CEP162: variants seen among roughly 807,000 people sequenced by gnomAD.
CEP162 encodes the protein centrosomal protein 162.
A neutral mutation model predicts 169.2 loss-of-function variants in CEP162; 141 were observed. The ratio of observed to expected loss-of-function variants is 0.83; its 90% CI spans 0.73 to 0.96. The LOEUF is 0.96. Among genes scored for constraint, CEP162 ranks in the 40% least tolerant of loss-of-function variants. The pLI is 0.00. For missense variants in CEP162, 1,600 were observed against 1,587.2 expected (o/e 1.01, Z -0.14); for synonymous variants, 540 against 526.4 (o/e 1.03, Z -0.35).
rs764021540 is a variant in CEP162, at chr6:84,195,013, C to T, written c.898G>A (p.Ala300Thr). The T allele has an allele frequency of 1.2e-5, 20 of 1,611,858 alleles. 1 individual carries two copies. In the South Asian group the frequency reaches 2.2e-4, roughly 18 times the overall value. Residue 300 changes from alanine (A) to threonine (T), a missense_variant, in exon 10 of 27, where the codon GCC (alanine) becomes ACC (threonine). Physicochemically the swap from Ala to Thr is moderately conservative, Grantham distance 58 (BLOSUM62 0). Transcript: ENST00000403245. ...TTGTCTTCATCTCCCAATGAATGGG[C>T]TATATGACAATAAGCTTGATGTAGG... ...EALHQAYCHI[A>T]HSLGDEDKQK... is the part of the protein sequence containing the mutation.
intron 9 of CEP162, among the ~76,000 whole-genome samples, chr6:84,199,737 A>G (rs765689827): frequency 9.1e-4 from 139 of 152,302 alleles, no homozygotes; most frequent in Middle Eastern, 3.4e-3. Context: ...ATGTGATAAA[A>G]TAAGAATATT....
At chr6:84,126,619 C>T (rs1254636363) in intron 25 of CEP162, 107 bp from the exon 26 acceptor site, 3 of 730,228 alleles carry the variant, frequency 4.1e-6, no homozygotes, top group African/African-American at 1.8e-5. Flanking sequence ...AAGTAAGAGG[C>T]ACCTTGGATT....
intron 6 of CEP162, among the ~76,000 whole-genome samples, chr6:84,208,335 A>T (rs575699371): frequency 6.6e-6 from 1 of 152,352 alleles, no homozygotes; most frequent in African/African-American, 2.4e-5. Flanking sequence ...TAGCTATAAA[A>T]GGGGAACACC....
At chr6:84,153,923 G>A (rs1271481744) in intron 22 of CEP162, among the ~76,000 whole-genome samples, 4 of 152,116 alleles carry the variant, frequency 2.6e-5, no homozygotes, top group Non-Finnish European at 5.9e-5. Flanking sequence ...AGGCGACGCT[G>A]CCCTAAGTGT....
intron 13 of CEP162, 57 bp from the exon 14 acceptor site, chr6:84,175,404 C>A: frequency 8.2e-7 from 1 of 1,225,368 alleles, no homozygotes; most frequent in Non-Finnish European, 1.1e-6. Context: ...AATGTATACT[C>A]ATCAATTGTG....
chr6:84,168,475 T>C (rs1031101866), intron 18 of CEP162, among the ~76,000 whole-genome samples: 2 of 152,184 alleles, frequency 1.3e-5, no homozygotes, highest in African/African-American at 4.8e-5. Context: ...CTGGAATTTT[T>C]CTAATTTACA....
Position 84,204,055 on chromosome 6 carries a change from G to A in CEP162, c.613C>T (p.Pro205Ser). ...ATCTCTTCATCTTTAGTAGTCAACG[G>A]TGCACCAACATACTCATCTTCAAAA... Reference protein sequence around the residue: ...DDFEDEYVGAPLTTKDEEMPS... With the variant: ...DDFEDEYVGASLTTKDEEMPS... The change falls in exon 7 of 27, where the codon CCG (proline) becomes TCG (serine). Residue 205 changes from proline (P) to serine (S), a missense_variant. Physicochemically the swap from Pro to Ser is moderately conservative, Grantham distance 74. Coordinates refer to ENST00000403245, the MANE Select transcript of CEP162 (RefSeq NM_014895.4). 2 of 1,608,682 alleles carry A rather than the reference G, an allele frequency of 1.2e-6. No homozygotes were observed. Among genetic ancestry groups the A allele is most frequent in the Non-Finnish European group, 1.7e-6 (2 of 1,177,548 alleles).
At chr6:84,195,193 A>G in intron 9 of CEP162, 118 bp from the exon 10 acceptor site, 1 of 850,402 alleles carries the variant, frequency 1.2e-6, no homozygotes, top group Non-Finnish European at 1.8e-6. Context: ...AGTACTAACT[A>G]GGTAATTTGC....
chr6:84,201,737 C>A lies in CEP162; in HGVS notation c.718G>T (p.Val240Phe). 7.6e-7 allele frequency: 1 copy of A among 1,321,918 alleles called. No individual in the cohort carries two copies. The allele number at this position is 1,321,918 out of a possible 1,614,324, so 81.9% of individuals were successfully genotyped here. A position where few individuals can be genotyped will look rare whatever the true frequency, so the allele number is the denominator to read the frequency against. ...AAACATGAATATAAATAATATTTAC[C>A]ATTAGCAAGCATGCCAGTTTTTTCT... ...EEEKTGMLAN[V>F]VLLDSLDSVA... The change falls in exon 8 of 27, where the codon GTT becomes TTT. Residue 240 changes from valine to phenylalanine, a missense_variant and splice_region_variant. By Grantham distance (50) the Val-to-Phe change is conservative. Coordinates refer to ENST00000403245, the MANE Select transcript of CEP162 (RefSeq NM_014895.4).
At position 84,195,056 on chromosome 6, in the gene CEP162, G is replaced by C. The variant is rs755806583; in HGVS notation, c.855C>G (p.Ser285Arg). 1.3e-6 allele frequency: 2 copies of C among 1,589,972 alleles called. No homozygotes were observed. Among genetic ancestry groups the C allele is most frequent in the South Asian group, 2.3e-5 (2 of 85,950 alleles). The change falls in exon 10 of 27, where the codon AGC becomes AGG. Residue 285 changes from serine (S) to arginine (R), a missense_variant. Physicochemically the swap from Ser to Arg is moderately radical, Grantham distance 110. Coordinates refer to ENST00000403245, the MANE Select transcript of CEP162 (RefSeq NM_014895.4). ...GATGTAGGGCTTCAACGTCACTACT[G>C]CTTTGTCCATAAGAAACACCTGTTG... ...MTGTGVSYGQ[S>R]SSDVEALHQA...
rs1281316771 is a variant in CEP162 at position 84,177,033 on chromosome 6, T to C, written c.1664-1686A>G. ...AAATGAATCATTAAAAATGGGGATATTTTATGTTGTTTGTTCATACTACAT... is the reference window on the plus strand; with the variant it reads ...AAATGAATCATTAAAAATGGGGATACTTTATGTTGTTTGTTCATACTACAT... On this transcript the variant is annotated intron_variant, in intron 13 of 26. Transcript: ENST00000403245. 2.6e-5 allele frequency among the ~76,000 whole-genome samples: 4 copies of C among 152,146 alleles called. No homozygotes were observed. The South Asian group carries it at 8.3e-4, about 32-fold the overall frequency.
At chr6:84,138,454 T>C (rs1362032537) in intron 25 of CEP162, among the ~76,000 whole-genome samples, 2 of 152,276 alleles carry the variant, frequency 1.3e-5, no homozygotes, top group Middle Eastern at 3.4e-3. Flanking sequence ...TGCCTCATAA[T>C]ACACAGGACG....
Position 84,161,734 on chromosome 6 carries a change from A to T in CEP162, c.2676+12T>A, listed in dbSNP as rs1247899019. On this transcript the variant is annotated intron_variant, in intron 20 of 26. Coordinates refer to ENST00000403245, the MANE Select transcript of CEP162 (RefSeq NM_014895.4). ...CATCTAGAGAAGAAATACATTCTGA[A>T]ATATCTATTACCTCAAGTTTGAGCT... 1 of 1,558,792 alleles carries T rather than the reference A, an allele frequency of 6.4e-7. No individual in the cohort carries two copies. Among genetic ancestry groups the T allele is most frequent in the Non-Finnish European group, 8.7e-7 (1 of 1,148,348 alleles).
intron 25 of CEP162, among the ~76,000 whole-genome samples, chr6:84,144,229 G>C (rs2099517883): frequency 6.6e-6 from 1 of 151,934 alleles, no homozygotes; most frequent in African/African-American, 2.4e-5. Context: ...AATTGTACAG[G>C]AATCATTGTC....
At chr6:84,164,690 C>G (rs1485056994) in intron 18 of CEP162, among the ~76,000 whole-genome samples, 1 of 151,984 alleles carries the variant, frequency 6.6e-6, no homozygotes, top group Non-Finnish European at 1.5e-5. Context: ...ACAAGGGTAC[C>G]TGTCGGGGGG....
intron 2 of CEP162, among the ~76,000 whole-genome samples, chr6:84,224,236 G>A (rs1210400490): frequency 6.6e-6 from 1 of 152,122 alleles, no homozygotes; most frequent in African/African-American, 2.4e-5. Context: ...TACATACTAC[G>A]ACATGGATGA....
intron 25 of CEP162, among the ~76,000 whole-genome samples, chr6:84,141,037 C>T (rs934241820): frequency 2.0e-5 from 3 of 152,116 alleles, no homozygotes; most frequent in African/African-American, 7.2e-5. Flanking sequence ...CAATTGGGTT[C>T]ACGCTCCTAT....
At chr6:84,155,132 G>T (rs746284985) in intron 22 of CEP162, among the ~76,000 whole-genome samples, 166 bp downstream of exon 22, 3 of 152,084 alleles carry the variant, frequency 2.0e-5, no homozygotes, top group Non-Finnish European at 4.4e-5. Flanking sequence ...GCTGAAAGAC[G>T]ACACCAAAAT....
chr6:84,166,482 T>C (rs1259147055), intron 18 of CEP162, among the ~76,000 whole-genome samples: 1 of 152,218 alleles, frequency 6.6e-6, no homozygotes, highest in African/African-American at 2.4e-5. Context: ...CACTTCTACC[T>C]GTAATTATTC....
Sources: gnomAD v4.1 joint callset for allele counts (sites outside exome capture counted in the v4.1 genomes callset) on GRCh38, gnomAD v4.1.1 for gene constraint, MANE v1.5 for transcripts, NCBI Gene and HGNC (gene_info 2026-07-23, HGNC 2026-07-21) for gene names.